The following SAMD4A variants were observed in gnomAD, a reference collection of about 807,000 sequenced individuals.
The protein encoded by SAMD4A is protein Smaug homolog 1.
Under a neutral mutation model 81.3 loss-of-function variants are expected in SAMD4A, and 33 were observed. The observed-to-expected ratio is 0.41, with a 90% confidence interval of 0.31 to 0.54. The LOEUF is 0.54. SAMD4A is among the 20% of genes least tolerant of loss of function. The probability of loss-of-function intolerance (pLI) is 0.37; values close to 1 mark genes in which losing one functional copy is unlikely to be tolerated. For missense variants in SAMD4A, 854 were observed against 951.1 expected (o/e 0.90, Z 1.34); for synonymous variants, 389 against 382.1 (o/e 1.02, Z -0.21).
At position 54,789,118 on chromosome 14, in the gene SAMD4A, G is replaced by C. The variant is rs767106315; in HGVS notation, c.*174G>C. 245 of 654,684 alleles carry C rather than the reference G, an allele frequency of 3.7e-4. No individual in the cohort carries two copies. The highest frequency in any genetic ancestry group is 6.1e-4 in the Non-Finnish European group (225 of 368,346). 40.6% of individuals were successfully genotyped at this position (654,684 alleles called of 1,614,324 possible). ...GTAGGTCATCCTCGTAAACATATCA[G>C]TAGACCTGGGGTTGGTTATTTTGTC... On this transcript the variant is annotated 3_prime_UTR_variant, in exon 13 of 13. Coordinates refer to ENST00000554335, the MANE Select transcript of SAMD4A (RefSeq NM_015589.6).
In SAMD4A at chr14:54,637,012, G is replaced by A. The variant is rs189983990; in HGVS notation, c.197-65050G>A. On this transcript the variant is annotated intron_variant, in intron 2 of 12. Transcript: ENST00000554335. ...CATGGAACTGCATGAGCTCACCAGG[G>A]GAGTGACGGTAAATAAAGAGGAGAC... is the stretch of plus-strand genomic sequence containing the variant. 6.6e-5 allele frequency among the ~76,000 whole-genome samples: 10 copies of A among 152,146 alleles called. No homozygotes were observed. In the East Asian group the frequency reaches 1.9e-3, roughly 29 times the overall value.
At chr14:54,569,527 C>G (rs542949265) in intron 2 of SAMD4A, among the ~76,000 whole-genome samples, 5 of 152,146 alleles carry the variant, frequency 3.3e-5, no homozygotes, top group Admixed American at 2.6e-4. Context: ...ACTGGGGTGG[C>G]GATGACAGGG....
intron 2 of SAMD4A, among the ~76,000 whole-genome samples, chr14:54,667,953 C>T (rs1416584918): frequency 6.6e-6 from 1 of 152,214 alleles, no homozygotes; most frequent in Non-Finnish European, 1.5e-5. Context: ...CCCTCTGTTT[C>T]TCATGCCTTC....
chr14:54,688,056 A>G (rs2036323671), intron 2 of SAMD4A: 2 of 985,590 alleles, frequency 2.0e-6, no homozygotes, highest in African/African-American at 3.5e-5. Context: ...AGATGGAGCA[A>G]TCTCTTATGT....
At position 54,776,457 on chromosome 14, in the gene SAMD4A, G is replaced by C; in HGVS notation, c.1961G>C (p.Ser654Thr). The change falls in exon 11 of 13, where the codon AGC becomes ACC. Residue 654 changes from serine (S) to threonine (T), a missense_variant. Coordinates refer to ENST00000554335, the MANE Select transcript of SAMD4A (RefSeq NM_015589.6). ...ANPGGSNSMP[S>T]RTHSSVQRTR... ...CCCGGGGGCAGCAATAGCATGCCAA[G>C]CCGCACCCACAGCTCAGTCCAGAGG... 1.3e-6 allele frequency: 2 copies of C among 1,595,376 alleles called. No individual in the cohort carries two copies. Among genetic ancestry groups the C allele is most frequent in the Non-Finnish European group, 1.7e-6 (2 of 1,171,862 alleles).
chr14:54,630,335 C>G (rs1389557103), intron 2 of SAMD4A, among the ~76,000 whole-genome samples: 36 of 152,292 alleles, frequency 2.4e-4, no homozygotes, highest in Non-Finnish European at 2.8e-4. Context: ...TCCTTGCCAA[C>G]CCTTGTTATT....
At chr14:54,730,533 A>G (rs1006619454) in intron 3 of SAMD4A, among the ~76,000 whole-genome samples, 7 of 152,186 alleles carry the variant, frequency 4.6e-5, no homozygotes, top group African/African-American at 1.2e-4. Context: ...GTTTAGGGGA[A>G]TCGTCTTCTG....
intron 5 of SAMD4A, among the ~76,000 whole-genome samples, chr14:54,751,092 T>C (rs1319368296): frequency 6.6e-6 from 1 of 151,882 alleles, no homozygotes; most frequent in Non-Finnish European, 1.5e-5. Context: ...CAAAACCCCA[T>C]CTCTACTAAA....
chr14:54,725,398 A>G (rs2037388786), intron 3 of SAMD4A, among the ~76,000 whole-genome samples: 1 of 152,232 alleles, frequency 6.6e-6, no homozygotes, highest in Non-Finnish European at 1.5e-5. Context: ...AATCAAAGAA[A>G]AAAGATTCTT....
intron 3 of SAMD4A, among the ~76,000 whole-genome samples, chr14:54,727,166 CTTTTTTTTTTTTTTTTTTTTTTTTTTT>C (rs567831973): frequency 0.031 from 1,822 of 59,240 alleles, 57 homozygotes; most frequent in African/African-American, 0.088. Flanking sequence ...TCTTTTTTTC[CTTTTTTTTTTTTTTTTTTTTTTTTTTT>C]TTTTTTTTTT....
intron 2 of SAMD4A, among the ~76,000 whole-genome samples, chr14:54,613,984 T>C (rs1022485255): frequency 2.0e-5 from 3 of 152,264 alleles, no homozygotes; most frequent in Admixed American, 1.3e-4. Context: ...CAAGTTTTAG[T>C]GTCCGTCAAA....
At chr14:54,653,266 G>A (rs2035444926) in intron 2 of SAMD4A, among the ~76,000 whole-genome samples, 1 of 150,218 alleles carries the variant, frequency 6.7e-6, no homozygotes, top group Non-Finnish European at 1.5e-5. Flanking sequence ...AGGCCCCTGA[G>A]GAACTTTCAA....
In SAMD4A at chr14:54,704,221, C is replaced by A. The variant is rs944022274; in HGVS notation, c.715+1641C>A. Among the ~76,000 whole-genome samples the A allele has an allele frequency of 5.3e-5, 8 of 152,292 alleles. No individual in the cohort carries two copies. In the East Asian group the frequency reaches 1.5e-3, roughly 29 times the overall value. ...TATAATCCAGCAGGAACAGTTTACT[C>A]GTCTCTGTATGATAAGGAGTGATGA... is the stretch of plus-strand genomic sequence containing the variant. On this transcript the variant is annotated intron_variant, in intron 3 of 12. Transcript: ENST00000554335.
intron 2 of SAMD4A, among the ~76,000 whole-genome samples, chr14:54,641,792 T>G (rs1311017719): frequency 6.6e-6 from 1 of 152,120 alleles, no homozygotes; most frequent in Admixed American, 6.6e-5. Context: ...GTCAGTAAGT[T>G]TATTGTTGTT....
At chr14:54,604,524 G>C (rs1290951169) in intron 2 of SAMD4A, among the ~76,000 whole-genome samples, 2 of 152,166 alleles carry the variant, frequency 1.3e-5, no homozygotes, top group African/African-American at 2.4e-5. Context: ...ATAAGGAGTT[G>C]ATGGCATGTC....
At chr14:54,603,818 GTTTA>G (rs1275088266) in intron 2 of SAMD4A, among the ~76,000 whole-genome samples, 1 of 129,326 alleles carries the variant, frequency 7.7e-6, no homozygotes, top group Non-Finnish European at 1.8e-5. Flanking sequence ...TTGTTTATTT[GTTTA>G]TTTGTTTATT....
At chr14:54,773,899 A>G (rs1204393072) in intron 9 of SAMD4A, among the ~76,000 whole-genome samples, 1 of 152,272 alleles carries the variant, frequency 6.6e-6, no homozygotes, top group East Asian at 1.9e-4. Context: ...GGATGAGGAC[A>G]GACATGGAGC....
chr14:54,737,298 A>G lies in SAMD4A; in HGVS notation c.979+11A>G. ...GTAGTGGGATGAAAGGTGAGTGACT[A>G]AATGAGAAACCACTGGGGAAAGAGC... On this transcript the variant is annotated intron_variant, in intron 4 of 12. Transcript: ENST00000554335. 6.2e-7 allele frequency: 1 copy of G among 1,613,554 alleles called. No individual in the cohort carries two copies. The highest frequency in any genetic ancestry group is 8.5e-7 in the Non-Finnish European group (1 of 1,179,884).
rs561628388 is a variant in SAMD4A, at chr14:54,765,317, C to T, written c.1596+777C>T. Among the ~76,000 whole-genome samples the T allele has an allele frequency of 4.5e-4, 69 of 152,072 alleles. 1 individual carries two copies. In the South Asian group the frequency reaches 0.012, roughly 26 times the overall value. On this transcript the variant is annotated intron_variant, in intron 8 of 12. Transcript: ENST00000554335. ...ATGGTGAAGTCTTTTTGTAGGATTT[C>T]GATGTGAGAATAAGATAGTAAGGGG...
Sources: allele counts gnomAD v4.1 joint callset (sites outside exome capture counted in the v4.1 genomes callset), GRCh38; gene constraint gnomAD v4.1.1; transcripts MANE v1.5; gene names NCBI Gene and HGNC (gene_info 2026-07-23, HGNC 2026-07-21).